The following PRKG1 variants were observed in gnomAD, a reference collection of about 807,000 sequenced individuals.
The protein encoded by PRKG1 is cGMP-dependent protein kinase 1.
Under a neutral mutation model 88.1 loss-of-function variants are expected in PRKG1, and 35 were observed. The ratio of observed to expected loss-of-function variants is 0.40; its 90% CI spans 0.30 to 0.53. PRKG1 has a LOEUF of 0.53. PRKG1 is among the 20% of genes least tolerant of loss of function. The pLI, the probability that PRKG1 is intolerant of heterozygous loss-of-function variation, is 0.59. For synonymous variants in PRKG1, 303 were observed against 292.5 expected (o/e 1.04, Z -0.37); for missense variants, 540 against 839.8 (o/e 0.64, Z 4.41).
chr10:51,957,155 TTCTTTC>T (rs1396473434), intron 5 of PRKG1, among the ~76,000 whole-genome samples: 3 of 49,784 alleles, frequency 6.0e-5, no homozygotes, highest in Non-Finnish European at 1.3e-4. Context: ...TCTTTCCTCT[TTCTTTC>T]TCTCTTTCTT....
At position 51,412,766 on chromosome 10, in the gene PRKG1, G is replaced by A. The variant is rs115780149; in HGVS notation, c.479-54957G>A. On this transcript the variant is annotated intron_variant, in intron 2 of 17. Transcript: ENST00000373980. ...CTTACTGAGAAACGGCTGAGGTAGG[G>A]AGTGAAGAAGAATGTCTGGTGTGTC... 1.4e-3 allele frequency among the ~76,000 whole-genome samples: 210 copies of A among 152,306 alleles called. 1 individual carries two copies. Among genetic ancestry groups the A allele is most frequent in the Middle Eastern group, 6.8e-3 (2 of 294 alleles).
intron 3 of PRKG1, among the ~76,000 whole-genome samples, chr10:51,564,310 T>C (rs1015990503): frequency 2.6e-5 from 4 of 152,142 alleles, no homozygotes; most frequent in African/African-American, 7.2e-5. Flanking sequence ...GAGATTGTAT[T>C]CTATTCTTTG....
intron 3 of PRKG1, among the ~76,000 whole-genome samples, chr10:51,503,091 T>C (rs1184213248): frequency 6.6e-6 from 1 of 152,108 alleles, no homozygotes; most frequent in African/African-American, 2.4e-5. Flanking sequence ...ACTCTATCCT[T>C]CTTTAAAGGA....
At chr10:51,617,950 TC>T (rs1336614158) in intron 3 of PRKG1, among the ~76,000 whole-genome samples, 1 of 152,216 alleles carries the variant, frequency 6.6e-6, no homozygotes, top group Non-Finnish European at 1.5e-5. Context: ...ATGCAGAACA[TC>T]TGGAAAAAGG....
intron 2 of PRKG1, among the ~76,000 whole-genome samples, chr10:51,266,935 A>G (rs1839850656): frequency 6.6e-6 from 1 of 152,254 alleles, no homozygotes; most frequent in East Asian, 1.9e-4. Context: ...ATAGGATCTG[A>G]TTTAGATATA....
intron 9 of PRKG1, among the ~76,000 whole-genome samples, chr10:52,189,132 A>G (rs373004020): frequency 5.3e-5 from 8 of 152,202 alleles, no homozygotes; most frequent in African/African-American, 1.9e-4. Context: ...TTTCTGTATA[A>G]AGAAAATTTA....
chr10:51,477,992 T>C (rs1840246981), intron 3 of PRKG1, among the ~76,000 whole-genome samples: 1 of 152,062 alleles, frequency 6.6e-6, no homozygotes, highest in Non-Finnish European at 1.5e-5. Context: ...GGCTGGGCAT[T>C]GAATTCAATG....
chr10:51,463,223 C>G (rs1467185973), intron 2 of PRKG1, among the ~76,000 whole-genome samples: 1 of 151,832 alleles, frequency 6.6e-6, no homozygotes, highest in African/African-American at 2.4e-5. Flanking sequence ...AAATAGATAT[C>G]ACATTAATCA....
At chr10:51,538,180 G>C (rs978622901) in intron 3 of PRKG1, among the ~76,000 whole-genome samples, 2 of 151,970 alleles carry the variant, frequency 1.3e-5, no homozygotes, top group Non-Finnish European at 2.9e-5. Context: ...TAATGTGTTT[G>C]TCCGTGTAGC....
chr10:51,563,150 G>A (rs1446132368), intron 3 of PRKG1, among the ~76,000 whole-genome samples: 4 of 152,018 alleles, frequency 2.6e-5, no homozygotes, highest in Admixed American at 2.6e-4. Context: ...TAGAAAATAA[G>A]TTTCAAAACC....
At chr10:51,464,687 C>G (rs915095255) in intron 2 of PRKG1, among the ~76,000 whole-genome samples, 1 of 151,504 alleles carries the variant, frequency 6.6e-6, no homozygotes, top group East Asian at 1.9e-4. Context: ...GTCAGGAGAT[C>G]GAGACCATCC....
intron 2 of PRKG1, among the ~76,000 whole-genome samples, chr10:51,333,807 C>T (rs553807806): frequency 2.6e-5 from 4 of 152,232 alleles, no homozygotes; most frequent in African/African-American, 9.6e-5. Context: ...ATCAGGTGGT[C>T]CTTCAACATA....
intron 3 of PRKG1, among the ~76,000 whole-genome samples, chr10:51,561,970 T>C (rs7906935): frequency 0.15 from 22,206 of 151,934 alleles, 1,778 homozygotes; most frequent in African/African-American, 0.21. Flanking sequence ...TGCCTATAAT[T>C]TTAGCACTTT....
At chr10:51,392,914 ACC>A (rs1837461653) in intron 2 of PRKG1, among the ~76,000 whole-genome samples, 3 of 45,134 alleles carry the variant, frequency 6.6e-5, no homozygotes, top group South Asian at 6.2e-4. Context: ...GGGGCTGACC[ACC>A]CCCACCTCCC....
At chr10:51,631,120 A>C (rs72797316) in intron 3 of PRKG1, among the ~76,000 whole-genome samples, 1 of 152,130 alleles carries the variant, frequency 6.6e-6, no homozygotes, top group Non-Finnish European at 1.5e-5. Context: ...CTGAACCCAT[A>C]ATTTAAGTAG....
intron 2 of PRKG1, among the ~76,000 whole-genome samples, chr10:51,172,956 G>A (rs1392521389): frequency 6.6e-6 from 1 of 151,938 alleles, no homozygotes; most frequent in Non-Finnish European, 1.5e-5. Flanking sequence ...GCTGACACAT[G>A]GATGGTGTTT....
At chr10:51,905,694 T>A (rs1027511650) in intron 4 of PRKG1, among the ~76,000 whole-genome samples, 2 of 152,116 alleles carry the variant, frequency 1.3e-5, no homozygotes, top group Non-Finnish European at 2.9e-5. Context: ...ATGTACTGTT[T>A]AATGGGGAGA....
intron 3 of PRKG1, among the ~76,000 whole-genome samples, chr10:51,763,234 A>T (rs756064027): frequency 1.5e-4 from 23 of 151,950 alleles, no homozygotes; most frequent in Admixed American, 4.6e-4. Flanking sequence ...TAATTTTTTT[A>T]AATTTTTTTA....
At chr10:51,295,385 T>C (rs1840693450) in intron 2 of PRKG1, among the ~76,000 whole-genome samples, 1 of 152,130 alleles carries the variant, frequency 6.6e-6, no homozygotes, top group African/African-American at 2.4e-5. Flanking sequence ...ATTCTTTTTG[T>C]TACTATTATG....
Sources: allele counts gnomAD v4.1 joint callset (sites outside exome capture counted in the v4.1 genomes callset), GRCh38; gene constraint gnomAD v4.1.1; transcripts MANE v1.5; gene names NCBI Gene and HGNC (gene_info 2026-07-23, HGNC 2026-07-21).